Variants in CPXM2 observed in about 807,000 individuals in gnomAD.
CPXM2 encodes inactive carboxypeptidase-like protein X2.
A neutral mutation model predicts 86.1 loss-of-function variants in CPXM2; 66 were observed. The observed-to-expected ratio is 0.77, with a 90% confidence interval of 0.63 to 0.94. The LOEUF is 0.94. Ranked by LOEUF, CPXM2 falls within the 40% of genes least tolerant of loss-of-function variation. CPXM2 has a pLI of 0.00. For missense variants in CPXM2, 948 were observed against 1,026.3 expected (o/e 0.92, Z 1.04); for synonymous variants, 388 against 400.2 (o/e 0.97, Z 0.36).
At chr10:123,825,397 G>A (rs991361535) in intron 4 of CPXM2, among the ~76,000 whole-genome samples, 15 of 152,218 alleles carry the variant, frequency 9.9e-5, no homozygotes, top group African/African-American at 2.9e-4. Context: ...GCAGCAGGCC[G>A]TGGAGGAATA....
At chr10:123,876,170 T>G (rs948130780) in intron 2 of CPXM2, among the ~76,000 whole-genome samples, 1 of 152,118 alleles carries the variant, frequency 6.6e-6, no homozygotes, top group African/African-American at 2.4e-5. Flanking sequence ...CAAAGACCAC[T>G]TCCTTGAAAG....
At chr10:123,829,017 C>A (rs1848105118) in intron 4 of CPXM2, among the ~76,000 whole-genome samples, 1 of 152,082 alleles carries the variant, frequency 6.6e-6, no homozygotes, top group African/African-American at 2.4e-5. Context: ...GAAGAACTCT[C>A]AAGAGTGAAA....
rs1385213322 is a variant in CPXM2 at position 123,745,656 on chromosome 10, TA to T, written c.*1107del. ...ACCAGAAGGGTCTTACCATTTGCTTTATTTTTTTTTTTCATTTTTCCCAGGT... is the reference window on the plus strand; with the variant it reads ...ACCAGAAGGGTCTTACCATTTGCTTTTTTTTTTTTTTCATTTTTCCCAGGT... On this transcript the variant is annotated 3_prime_UTR_variant, in exon 14 of 14. Coordinates refer to ENST00000241305, the MANE Select transcript of CPXM2 (RefSeq NM_198148.3). The T allele has an allele frequency of 6.6e-6, 1 of 150,722 alleles. No homozygotes were observed. The highest frequency in any genetic ancestry group is 1.9e-4 in the East Asian group (1 of 5,132). 9.3% of individuals were successfully genotyped at this position (150,722 alleles called of 1,614,324 possible).
chr10:123,825,417 C>A (rs1232450743), intron 4 of CPXM2, among the ~76,000 whole-genome samples: 2 of 152,212 alleles, frequency 1.3e-5, no homozygotes, highest in African/African-American at 4.8e-5. Flanking sequence ...ACGGCACAGA[C>A]CTGATGCCTG....
intron 1 of CPXM2, among the ~76,000 whole-genome samples, chr10:123,890,033 C>A (rs28627761): frequency 6.6e-6 from 1 of 152,042 alleles, no homozygotes; most frequent in African/African-American, 2.4e-5. Flanking sequence ...CAGCAAGTGA[C>A]GCTGAGCAAG....
chr10:123,801,191 G>A (rs1345831631), intron 4 of CPXM2, among the ~76,000 whole-genome samples: 1 of 152,104 alleles, frequency 6.6e-6, no homozygotes, highest in Non-Finnish European at 1.5e-5. Context: ...AAATCATGGG[G>A]GCAGGTTCTT....
chr10:123,750,755 C>T, intron 13 of CPXM2: 10 of 985,412 alleles, frequency 1.0e-5, no homozygotes, highest in Non-Finnish European at 1.2e-5. Context: ...TTCACACAGT[C>T]AGAATGAGGG....
At chr10:123,847,522 T>C (rs1041906272) in intron 3 of CPXM2, among the ~76,000 whole-genome samples, 6 of 150,196 alleles carry the variant, frequency 4.0e-5, no homozygotes, top group African/African-American at 1.5e-4. Flanking sequence ...CGAGACTCTG[T>C]CTCAAAAAAA....
chr10:123,819,237 C>T (rs113620531), intron 4 of CPXM2, among the ~76,000 whole-genome samples: 5,192 of 152,162 alleles, frequency 0.034, 300 homozygotes, highest in African/African-American at 0.11. Flanking sequence ...CATTAGGTTG[C>T]CTCTTAACTG....
intron 6 of CPXM2, among the ~76,000 whole-genome samples, chr10:123,793,330 G>C (rs1847249903): frequency 2.0e-5 from 3 of 152,048 alleles, no homozygotes; most frequent in African/African-American, 7.2e-5. Context: ...CGGGTGTGGT[G>C]GCGGGGGCCT....
At chr10:123,906,485 G>A (rs1456699636) in intron 2 of CPXM2, among the ~76,000 whole-genome samples, 1 of 152,102 alleles carries the variant, frequency 6.6e-6, no homozygotes, top group Non-Finnish European at 1.5e-5. Context: ...AAACACCCTT[G>A]CTATAAATCA....
chr10:123,852,336 A>G (rs570570854), intron 3 of CPXM2, among the ~76,000 whole-genome samples: 1 of 152,164 alleles, frequency 6.6e-6, no homozygotes, highest in South Asian at 2.1e-4. Context: ...ATTCTCTTGC[A>G]TCCTTCATCC....
rs1491345770 is a variant in CPXM2, at chr10:123,881,259, T to TCCCC, written c.305-951_305-950insGGGG. The stretch of plus-strand genomic sequence containing the variant: ...TTCCCTTCCCTTCCCTTCCCTTCCC[T>TCCCC]TCCCTTTACGCTCAAGCTAATTAGC... On this transcript the variant is annotated intron_variant, in intron 1 of 13. Coordinates refer to ENST00000241305, the MANE Select transcript of CPXM2 (RefSeq NM_198148.3). Among the ~76,000 whole-genome samples the TCCCC allele has an allele frequency of 1.6e-4, 14 of 87,632 alleles. 2 individuals are homozygous for TCCCC. The highest frequency in any genetic ancestry group is 4.1e-4 in the Admixed American group (4 of 9,776). The allele number at this position is 87,632 out of a possible 152,430, so 57.5% of individuals were successfully genotyped here. A position where few individuals can be genotyped will look rare whatever the true frequency, so the allele number is the denominator to read the frequency against.
chr10:123,850,499 G>A (rs1848577498), intron 3 of CPXM2, among the ~76,000 whole-genome samples: 2 of 151,726 alleles, frequency 1.3e-5, no homozygotes, highest in South Asian at 2.1e-4. Flanking sequence ...CAACGTTGAT[G>A]TGAATCCTCC....
chr10:123,918,671 T>G lies in CPXM2; in HGVS notation n.174+20806A>C, dbSNP rs556685803. 5.9e-4 allele frequency among the ~76,000 whole-genome samples: 90 copies of G among 152,254 alleles called. 2 individuals carry two copies. Among genetic ancestry groups the G allele is most frequent in the Admixed American group, 5.9e-3 (90 of 15,294 alleles). On this transcript the variant is annotated intron_variant and non_coding_transcript_variant, in intron 2 of 19. Transcript: ENST00000368854. ...CTAAATCCGCATTTTGTTTTCCTTTTCCCTTCTTTTAGTCTTCCAGCCCTG... is the reference window on the plus strand; with the variant it reads ...CTAAATCCGCATTTTGTTTTCCTTTGCCCTTCTTTTAGTCTTCCAGCCCTG...
intron 2 of CPXM2, among the ~76,000 whole-genome samples, chr10:123,925,480 C>T (rs1016705089): frequency 1.3e-5 from 2 of 152,176 alleles, no homozygotes; most frequent in South Asian, 2.1e-4. Flanking sequence ...TAGTGGCTTC[C>T]ACAATAATTT....
intron 1 of CPXM2, among the ~76,000 whole-genome samples, chr10:123,881,173 C>A (rs1284758687): frequency 6.6e-6 from 1 of 150,820 alleles, no homozygotes; most frequent in Admixed American, 6.6e-5. Context: ...GCCTTCAGTT[C>A]ATGCTTCTTC....
intron 2 of CPXM2, among the ~76,000 whole-genome samples, chr10:123,867,527 C>CTTTTTTTT (rs34482126): frequency 9.7e-5 from 9 of 92,922 alleles, no homozygotes; most frequent in East Asian, 3.1e-4. Flanking sequence ...AGATTTCTTT[C>CTTTTTTTT]TTTTTTTTTT....
intron 4 of CPXM2, among the ~76,000 whole-genome samples, chr10:123,823,335 G>T (rs1847969352): frequency 6.6e-6 from 1 of 152,028 alleles, no homozygotes; most frequent in African/African-American, 2.4e-5. Context: ...GCTCCAGGAG[G>T]GATATCTCAG....
Sources: allele counts gnomAD v4.1 joint callset (sites outside exome capture counted in the v4.1 genomes callset), GRCh38; gene constraint gnomAD v4.1.1; transcripts MANE v1.5; gene names NCBI Gene and HGNC (gene_info 2026-07-23, HGNC 2026-07-21).